Variants in DIP2C observed in about 807,000 individuals in gnomAD.
DIP2C encodes the protein DIP2 acetate--CoA ligase C (putative).
A neutral mutation model predicts 192.4 loss-of-function variants in DIP2C; 33 were observed. That is an observed-to-expected ratio of 0.17 (90% CI 0.13 to 0.23). The LOEUF (loss-of-function observed/expected upper bound fraction) is 0.23, where lower values mean the gene tolerates loss of function less well. Among genes scored for constraint, DIP2C ranks in the 10% least tolerant of loss-of-function variants. DIP2C has a pLI of 1.00. For synonymous variants in DIP2C, 979 were observed against 864.1 expected, an observed-to-expected ratio of 1.13 and a Z score of -2.33; for missense variants, 1,537 against 2,110.1, an observed-to-expected ratio of 0.73 and a Z score of 5.32.
intron 32 of DIP2C, among the ~76,000 whole-genome samples, chr10:303,589 T>C (rs1372116893): frequency 1.3e-5 from 2 of 152,196 alleles, no homozygotes; most frequent in East Asian, 3.9e-4. Context: ...AGTGGCGCGA[T>C]CTTGGCTCAC....
intron 2 of DIP2C, chr10:484,797 C>T (rs1326397377): frequency 1.2e-6 from 2 of 1,611,296 alleles, no homozygotes; most frequent in Non-Finnish European, 8.5e-7. Context: ...GAAAGTAAAA[C>T]AGAGGCCGGT....
chr10:396,413 T>C (rs1397502528), intron 10 of DIP2C, among the ~76,000 whole-genome samples: 1 of 152,214 alleles, frequency 6.6e-6, no homozygotes, highest in East Asian at 1.9e-4. Flanking sequence ...CACCAGGCTA[T>C]ACACTTTAAC....
At position 414,056 on chromosome 10, in the gene DIP2C, A is replaced by C; in HGVS notation, c.914T>G (p.Met305Arg). 6.2e-7 allele frequency: 1 copy of C among 1,613,968 alleles called. No individual in the cohort carries two copies. The highest frequency in any genetic ancestry group is 8.5e-7 in the Non-Finnish European group (1 of 1,179,852). ...GACCACGCCCAGCTGCTCTCCGCGC[A>C]TGGCCAGCATCTGGGCCCCCTCCGG... ...PKPEGAQMLA[M>R]RGEQLGVVTN... Residue 305 changes from methionine to arginine, a missense_variant, in exon 8 of 37, where the codon ATG becomes AGG. By Grantham distance (91) the Met-to-Arg change is moderately conservative. Transcript: ENST00000280886.
chr10:281,412 C>G lies in DIP2C; in HGVS notation c.4295-89G>C, dbSNP rs1471162848. 1.1e-5 allele frequency: 17 copies of G among 1,486,042 alleles called. No homozygotes were observed. The East Asian group carries it at 4.0e-4, about 35-fold the overall frequency. 92.1% of individuals were successfully genotyped at this position (1,486,042 alleles called of 1,614,324 possible). A position where few individuals can be genotyped will look rare whatever the true frequency, so the allele number is the denominator to read the frequency against. On this transcript the variant is annotated intron_variant, in intron 35 of 36. Coordinates refer to ENST00000280886, the MANE Select transcript of DIP2C (RefSeq NM_014974.3). ...TCTTAAAAAAAGATTAAAAACGACC[C>G]CCAAGTGAGACAGGGATGCAAAGGA...
At chr10:421,669 T>A (rs1966190624) in intron 5 of DIP2C, among the ~76,000 whole-genome samples, 1 of 152,262 alleles carries the variant, frequency 6.6e-6, no homozygotes, top group South Asian at 2.1e-4. Context: ...AGTATTACTT[T>A]ACAAACTTTT....
Position 327,098 on chromosome 10 carries a change from A to G in DIP2C, c.3832T>C (p.Ser1278Pro), listed in dbSNP as rs764317249. Residue 1278 changes from serine to proline, a missense_variant, in exon 31 of 37, where the codon TCG becomes CCG. By Grantham distance (74) the Ser-to-Pro change is moderately conservative (BLOSUM62 -1). This residue lies in a region of DIP2C where 341 missense variants were observed against 551.7 expected (regional missense o/e 0.62). Transcript: ENST00000280886. ...EERPRIALTQ[S>P]FSKLFKDLGL... The stretch of plus-strand genomic sequence containing the variant: ...AGGTCCTTAAACAGCTTTGAGAACG[A>G]CTGTGTGAGTGCGATCCGAGGCCTC... 1.2e-6 allele frequency: 2 copies of G among 1,614,134 alleles called. No individual in the cohort carries two copies. Among genetic ancestry groups the G allele is most frequent in the Non-Finnish European group, 1.7e-6 (2 of 1,180,018 alleles).
At chr10:614,640 G>C (rs1853321693) in intron 1 of DIP2C, among the ~76,000 whole-genome samples, 1 of 152,254 alleles carries the variant, frequency 6.6e-6, no homozygotes, top group African/African-American at 2.4e-5. Flanking sequence ...CCCGAAACAT[G>C]GCCACTGGGC....
intron 29 of DIP2C, among the ~76,000 whole-genome samples, chr10:331,735 G>A (rs976058341): frequency 2.0e-5 from 3 of 152,162 alleles, no homozygotes; most frequent in African/African-American, 4.8e-5. Flanking sequence ...CGTGGACACC[G>A]AGGGACGACT....
At chr10:356,528 A>T (rs1564607762) in intron 23 of DIP2C, 22 bp from the exon 24 acceptor site, 1 of 1,599,150 alleles carries the variant, frequency 6.3e-7, no homozygotes, top group Admixed American at 1.7e-5. Context: ...CACGGGCATG[A>T]GGATCAGGCT....
intron 2 of DIP2C, among the ~76,000 whole-genome samples, chr10:478,710 GT>G (rs1843363458): frequency 6.6e-6 from 1 of 151,912 alleles, no homozygotes; most frequent in African/African-American, 2.4e-5. Context: ...CTCATCTCGT[GT>G]CCGGGCGTGC....
At chr10:327,231 AGC>A in intron 30 of DIP2C, 55 bp from the exon 31 acceptor site, 1 of 1,563,192 alleles carries the variant, frequency 6.4e-7, no homozygotes, top group East Asian at 2.3e-5. Flanking sequence ...GCTTGGAGTG[AGC>A]CAGAGACTCC....
chr10:549,617 G>T (rs1848484483), intron 1 of DIP2C, among the ~76,000 whole-genome samples: 1 of 152,088 alleles, frequency 6.6e-6, no homozygotes, highest in Non-Finnish European at 1.5e-5. Context: ...CTTCAGAGGG[G>T]AGGGGTGCCC....
At chr10:455,222 T>C (rs915789987) in intron 3 of DIP2C, among the ~76,000 whole-genome samples, 14 of 152,166 alleles carry the variant, frequency 9.2e-5, no homozygotes, top group Non-Finnish European at 1.9e-4. Context: ...TGCACCCCCA[T>C]TTCCCTGGGT....
At chr10:568,132 G>A (rs1027497056) in intron 1 of DIP2C, among the ~76,000 whole-genome samples, 6 of 152,344 alleles carry the variant, frequency 3.9e-5, no homozygotes, top group Non-Finnish European at 7.3e-5. Flanking sequence ...GTTGGCACAA[G>A]CACAGCAGAA....
chr10:491,773 TTCAG>T (rs767936319), intron 1 of DIP2C, among the ~76,000 whole-genome samples: 6 of 152,206 alleles, frequency 3.9e-5, no homozygotes, highest in Admixed American at 6.5e-5. Flanking sequence ...CAAGCATTCA[TTCAG>T]TATCTATTTC....
At chr10:454,077 G>A (rs192191015) in intron 3 of DIP2C, among the ~76,000 whole-genome samples, 21 of 152,348 alleles carry the variant, frequency 1.4e-4, no homozygotes, top group African/African-American at 4.6e-4. Flanking sequence ...GGAGCTGAGA[G>A]GCAATAAATT....
intron 1 of DIP2C, among the ~76,000 whole-genome samples, chr10:494,823 G>A (rs1306834526): frequency 1.3e-5 from 2 of 152,212 alleles, no homozygotes; most frequent in Non-Finnish European, 2.9e-5. Context: ...GTGGAAAATA[G>A]CATGGAGCAT....
chr10:665,711 T>C (rs1857048577), intron 1 of DIP2C: 2 of 152,302 alleles, frequency 1.3e-5, no homozygotes, highest in Non-Finnish European at 2.9e-5. Context: ...ATTCCCACAC[T>C]GGAAAATCCC....
At chr10:376,987 C>T (rs564468349) in intron 17 of DIP2C, among the ~76,000 whole-genome samples, 3 of 152,196 alleles carry the variant, frequency 2.0e-5, no homozygotes, top group South Asian at 4.2e-4. Context: ...TAAAAGCAGC[C>T]AATATATTAA....
Sources: allele counts gnomAD v4.1 joint callset (sites outside exome capture counted in the v4.1 genomes callset), GRCh38; gene constraint gnomAD v4.1.1; regional missense constraint gnomAD v4.1.1; transcripts MANE v1.5; gene names NCBI Gene and HGNC (gene_info 2026-07-23, HGNC 2026-07-21).